ADCY5: variants seen among roughly 807,000 people sequenced by gnomAD.
ADCY5 encodes the protein adenylate cyclase 5, also known as adenylate cyclase type 5.
Under a neutral mutation model 119.7 loss-of-function variants are expected in ADCY5, and 30 were observed. The observed-to-expected ratio is 0.25, with a 90% CI of 0.19 to 0.34. The LOEUF (loss-of-function observed/expected upper bound fraction) is 0.34. Among genes scored for constraint, ADCY5 ranks in the 10% least tolerant of loss-of-function variants. ADCY5 has a pLI of 1.00. For missense variants in ADCY5, 1,324 were observed against 1,775.2 expected, an observed-to-expected ratio of 0.75 and a Z score of 4.57; for synonymous variants, 753 against 762.2, an observed-to-expected ratio of 0.99 and a Z score of 0.20.
intron 5 of ADCY5, among the ~76,000 whole-genome samples, chr3:123,329,375 C>T (rs1941652341): frequency 6.6e-6 from 1 of 152,148 alleles, no homozygotes; most frequent in South Asian, 2.1e-4. Context: ...GTGCTCCATG[C>T]CCTAGAGGAA....
chr3:123,437,157 T>C (rs978466087), intron 1 of ADCY5, among the ~76,000 whole-genome samples: 3 of 152,106 alleles, frequency 2.0e-5, no homozygotes, highest in African/African-American at 4.8e-5. Context: ...TAGAGATTAA[T>C]CCTTGCAGAG....
rs1942631411 is a variant in ADCY5, at chr3:123,347,883, G to A, written c.1305C>T (p.Val435=). Residue 435 remains valine, a synonymous_variant, in exon 3 of 21, where the codon GTC becomes GTT. Coordinates refer to ENST00000462833, the MANE Select transcript of ADCY5 (RefSeq NM_183357.3). The stretch of plus-strand genomic sequence containing the variant: ...TCTCCATGGCAACATGACGGGGAAG[G>A]ACAGACAGCAGGAGCCGTTCCTGCA... The part of the protein sequence containing the change: ...NQQQERLLLS[V]LPRHVAMEMK... 1 of 1,613,952 alleles carries A rather than the reference G, an allele frequency of 6.2e-7. No individual in the cohort carries two copies. The highest frequency in any genetic ancestry group is 8.5e-7 in the Non-Finnish European group (1 of 1,180,006).
At chr3:123,412,964 A>G (rs1945093367) in intron 1 of ADCY5, among the ~76,000 whole-genome samples, 1 of 152,202 alleles carries the variant, frequency 6.6e-6, no homozygotes, top group Non-Finnish European at 1.5e-5. Flanking sequence ...AGCAGGCGGC[A>G]CAGGCCAGCC....
chr3:123,354,970 A>G (rs2108506080), intron 1 of ADCY5, among the ~76,000 whole-genome samples: 1 of 152,362 alleles, frequency 6.6e-6, no homozygotes, highest in Non-Finnish European at 1.5e-5. Flanking sequence ...GATCAATAGC[A>G]TATACACAAA....
chr3:123,330,757 TG>T, intron 5 of ADCY5, 131 bp downstream of exon 5: 2 of 1,251,144 alleles, frequency 1.6e-6, no homozygotes, highest in African/African-American at 1.5e-5. Flanking sequence ...TCAGCTTGGC[TG>T]GGCACCTTTT....
intron 2 of ADCY5, among the ~76,000 whole-genome samples, chr3:123,351,155 C>T (rs1207826248): frequency 6.6e-6 from 1 of 152,076 alleles, no homozygotes; most frequent in Non-Finnish European, 1.5e-5. Flanking sequence ...ACCACCGAGG[C>T]AGCGCTGGAA....
chr3:123,421,495 A>G (rs956179634), intron 1 of ADCY5, among the ~76,000 whole-genome samples: 1 of 152,182 alleles, frequency 6.6e-6, no homozygotes, highest in Non-Finnish European at 1.5e-5. Flanking sequence ...CATGACACCT[A>G]GTCCTAAATC....
intron 17 of ADCY5, among the ~76,000 whole-genome samples, chr3:123,293,884 A>G (rs551369887): frequency 6.6e-4 from 100 of 152,298 alleles, no homozygotes; most frequent in African/African-American, 2.3e-3. Flanking sequence ...ACCACTCTCT[A>G]CTACTAAGAA....
At chr3:123,416,221 A>G (rs1436506648) in intron 1 of ADCY5, 1 of 1,536,004 alleles carries the variant, frequency 6.5e-7, no homozygotes, top group Non-Finnish European at 8.7e-7. Flanking sequence ...ACCTGTCTGA[A>G]TGGACAGGTC....
intron 1 of ADCY5, among the ~76,000 whole-genome samples, chr3:123,378,237 C>T (rs1943909554): frequency 6.6e-6 from 1 of 152,156 alleles, no homozygotes; most frequent in Admixed American, 6.5e-5. Context: ...GGTGGATACC[C>T]TGCTTCTTCA....
chr3:123,310,753 T>C (rs1174156218), intron 12 of ADCY5, among the ~76,000 whole-genome samples: 5 of 152,094 alleles, frequency 3.3e-5, no homozygotes, highest in African/African-American at 9.7e-5. Flanking sequence ...AGGCAAGGCA[T>C]CTGAGGGGCA....
At chr3:123,287,510 T>G (rs62262643) in intron 19 of ADCY5, among the ~76,000 whole-genome samples, 24,856 of 152,184 alleles carry the variant, frequency 0.16, 2,355 homozygotes, top group Middle Eastern at 0.28. Flanking sequence ...TTCCCTCCTG[T>G]GTAACCTGCC....
chr3:123,309,206 A>C (rs1940406806), intron 12 of ADCY5, among the ~76,000 whole-genome samples: 1 of 152,218 alleles, frequency 6.6e-6, no homozygotes, highest in South Asian at 2.1e-4. Flanking sequence ...AGGGTATTGC[A>C]AAGATAAAAG....
chr3:123,420,421 T>C (rs1318262595), intron 1 of ADCY5: 3 of 152,234 alleles, frequency 2.0e-5, no homozygotes, highest in Non-Finnish European at 4.4e-5. Context: ...GTTACCTCCT[T>C]TCTCCTTTTC....
chr3:123,429,950 G>C (rs1945490181), intron 1 of ADCY5, among the ~76,000 whole-genome samples: 1 of 152,032 alleles, frequency 6.6e-6, no homozygotes, highest in Non-Finnish European at 1.5e-5. Flanking sequence ...AGTGTCAGCG[G>C]GGGCAGCTCG....
chr3:123,422,349 C>T (rs1014940138), intron 1 of ADCY5, among the ~76,000 whole-genome samples: 9 of 152,156 alleles, frequency 5.9e-5, no homozygotes, highest in African/African-American at 1.4e-4. Flanking sequence ...GGGCTGCCCA[C>T]GGAAGTCCCA....
rs1195206250 is a variant in ADCY5, at chr3:123,396,779, A to AAGGC, written c.1135-44202_1135-44199dup. On this transcript the variant is annotated intron_variant, in intron 1 of 20. Coordinates refer to ENST00000462833, the MANE Select transcript of ADCY5 (RefSeq NM_183357.3). ...GAAGGAAGGAAGGAAGGAAGGAAGG[A>AAGGC]AGGCAGGCAGGCAGGCAGGCAGGCA... 3.2e-3 allele frequency among the ~76,000 whole-genome samples: 225 copies of AAGGC among 69,936 alleles called. 6 individuals are homozygous for AAGGC. Among genetic ancestry groups the AAGGC allele is most frequent in the East Asian group, 6.4e-3 (12 of 1,874 alleles). The allele number at this position is 69,936 out of a possible 152,430, so 45.9% of individuals were successfully genotyped here. A position where few individuals can be genotyped will look rare whatever the true frequency, so the allele number is the denominator to read the frequency against.
At position 123,290,981 on chromosome 3, in the gene ADCY5, G is replaced by A. The variant is rs1207048481; in HGVS notation, c.3327+132C>T. The A allele has an allele frequency of 1.7e-5, 21 of 1,243,452 alleles. No homozygotes were observed. In the East Asian group the frequency reaches 2.3e-4, roughly 14 times the overall value. The allele number at this position is 1,243,452 out of a possible 1,614,324, so 77.0% of individuals were successfully genotyped here. On this transcript the variant is annotated intron_variant, in intron 18 of 20. Transcript: ENST00000462833. ...CTGGGGACACGGTCAGGTTCCCGCC[G>A]GCAGAGCTCCCATCATCACTGCTTA...
intron 1 of ADCY5, among the ~76,000 whole-genome samples, chr3:123,395,071 G>C (rs1944504152): frequency 6.6e-6 from 1 of 152,174 alleles, no homozygotes; most frequent in African/African-American, 2.4e-5. Flanking sequence ...GGTGGGCCTT[G>C]TGTGATGTGC....
Sources: gnomAD v4.1 joint callset for allele counts (sites outside exome capture counted in the v4.1 genomes callset) on GRCh38, gnomAD v4.1.1 for gene constraint, MANE v1.5 for transcripts, NCBI Gene and HGNC (gene_info 2026-07-23, HGNC 2026-07-21) for gene names.